The following HIBCH variants were observed in gnomAD, a reference collection of about 807,000 sequenced individuals.
HIBCH encodes the protein 3-hydroxyisobutyryl-CoA hydrolase.
A neutral mutation model predicts 58.2 loss-of-function variants in HIBCH; 50 were observed. The observed-to-expected ratio is 0.86, with a 90% CI of 0.68 to 1.09. The LOEUF (loss-of-function observed/expected upper bound fraction) is 1.09. Ranked by LOEUF, HIBCH falls within the 50% of genes least tolerant of loss-of-function variation. HIBCH has a pLI of 0.00. For missense variants in HIBCH, 450 were observed against 449.7 expected, an observed-to-expected ratio of 1.00 and a Z score of -0.01; for synonymous variants, 151 against 146.9, an observed-to-expected ratio of 1.03 and a Z score of -0.20.
chr2:190,294,003 T>C (rs1199372971), intron 4 of HIBCH, among the ~76,000 whole-genome samples: 1 of 132,158 alleles, frequency 7.6e-6, no homozygotes, highest in Non-Finnish European at 1.6e-5. Context: ...ATATATATTT[T>C]GTAATATATA....
chr2:190,195,941 CT>C (rs35679833), intron 1 of HIBCH, among the ~76,000 whole-genome samples: 2,732 of 86,158 alleles, frequency 0.032, 54 homozygotes, highest in African/African-American at 0.11. Flanking sequence ...CTGTGTCCAG[CT>C]TTTTTTTTTT....
At chr2:190,289,377 C>T (rs1687908865) in intron 5 of HIBCH, among the ~76,000 whole-genome samples, 1 of 152,054 alleles carries the variant, frequency 6.6e-6, no homozygotes, top group South Asian at 2.1e-4. Flanking sequence ...TGTCAAAATA[C>T]GTTAATATCA....
intron 6 of HIBCH, among the ~76,000 whole-genome samples, chr2:190,265,122 CAAAAAAAA>C (rs1167140474): frequency 0.11 from 6,379 of 55,862 alleles, 153 homozygotes; most frequent in Non-Finnish European, 0.16. Flanking sequence ...GACTCCGTCT[CAAAAAAAA>C]AAAAAAAAAA....
chr2:190,208,668 A>AT lies in HIBCH; in HGVS notation c.1045+211dup, dbSNP rs10650285. 0.11 allele frequency: 51,472 copies of AT among 457,350 alleles called. 223 individuals are homozygous for AT. Among genetic ancestry groups the AT allele is most frequent in the South Asian group, 0.12 (4,897 of 40,940 alleles). 28.3% of individuals were successfully genotyped at this position (457,350 alleles called of 1,614,324 possible). A position where few individuals can be genotyped will look rare whatever the true frequency, so the allele number is the denominator to read the frequency against. ...TGGGATCAGAAGTGTTTCAGGTTTG[A>AT]TTTTTTTTTTTTTTTTCAGATTTTG... On this transcript the variant is annotated intron_variant, in intron 13 of 13. Coordinates refer to ENST00000359678, the MANE Select transcript of HIBCH (RefSeq NM_014362.4).
chr2:190,275,048 C>T (rs1687511778), intron 6 of HIBCH, among the ~76,000 whole-genome samples: 1 of 151,966 alleles, frequency 6.6e-6, no homozygotes, highest in African/African-American at 2.4e-5. Flanking sequence ...ATATTGTGGT[C>T]TCCTATAATC....
At chr2:190,318,206 G>A (rs1277903958) in intron 1 of HIBCH, among the ~76,000 whole-genome samples, 2 of 151,386 alleles carry the variant, frequency 1.3e-5, no homozygotes, top group African/African-American at 2.4e-5. Flanking sequence ...GGCAAGTCAG[G>A]TTAGACAAAA....
At chr2:190,221,612 C>T (rs966806419) in intron 11 of HIBCH, among the ~76,000 whole-genome samples, 10 of 152,172 alleles carry the variant, frequency 6.6e-5, no homozygotes, top group African/African-American at 1.4e-4. Context: ...CGTGAAACCA[C>T]GGTCCAAAGT....
rs540248276 is a variant in HIBCH, at chr2:190,215,120, G to C, written c.892-2045C>G. On this transcript the variant is annotated intron_variant, in intron 11 of 13. Transcript: ENST00000359678. The surrounding 1 kb of genome is among the most constrained non-coding windows in gnomAD (Gnocchi z 4.4). ...TAGCAGAGCAAACCTCAGCTTAGCA[G>C]AGATCCCCTCGGTTTAGCAGCTAGA... 4.6e-5 allele frequency: 7 copies of C among 151,404 alleles called. No individual in the cohort carries two copies. The East Asian group carries it at 1.2e-3, about 25-fold the overall frequency. 9.4% of individuals were successfully genotyped at this position (151,404 alleles called of 1,614,324 possible). A position where few individuals can be genotyped will look rare whatever the true frequency, so the allele number is the denominator to read the frequency against.
At chr2:190,271,014 A>T (rs1219301137) in intron 6 of HIBCH, among the ~76,000 whole-genome samples, 1 of 152,050 alleles carries the variant, frequency 6.6e-6, no homozygotes, top group Non-Finnish European at 1.5e-5. Context: ...ACTTATTTAC[A>T]TATTATTATT....
intron 1 of HIBCH, among the ~76,000 whole-genome samples, chr2:190,317,660 A>AT (rs1322636598): frequency 1.3e-5 from 2 of 152,312 alleles, no homozygotes; most frequent in East Asian, 3.9e-4. Context: ...GGAAAAAGTG[A>AT]TTAACTTTGA....
chr2:190,266,674 C>T (rs779712038), intron 6 of HIBCH, among the ~76,000 whole-genome samples: 8 of 151,788 alleles, frequency 5.3e-5, no homozygotes, highest in East Asian at 1.9e-4. Flanking sequence ...CTCCAGGTGA[C>T]GCGCCCGCCT....
intron 6 of HIBCH, among the ~76,000 whole-genome samples, chr2:190,268,381 T>C (rs1438657049): frequency 1.3e-5 from 2 of 152,198 alleles, no homozygotes; most frequent in African/African-American, 4.8e-5. Context: ...ATAAACAATG[T>C]TAATATGGAC....
intron 11 of HIBCH, among the ~76,000 whole-genome samples, chr2:190,238,290 A>G (rs887113280): frequency 6.6e-6 from 1 of 152,192 alleles, no homozygotes; most frequent in Non-Finnish European, 1.5e-5. Context: ...TCCCACCAAC[A>G]GTGTAAAAGT....
At chr2:190,194,256 G>C (rs1420787070) in intron 1 of HIBCH, among the ~76,000 whole-genome samples, 1 of 152,104 alleles carries the variant, frequency 6.6e-6, no homozygotes, top group Non-Finnish European at 1.5e-5. Flanking sequence ...ACTCAAGTTG[G>C]AGCATAATGT....
chr2:190,293,420 T>C (rs998591979), intron 4 of HIBCH, among the ~76,000 whole-genome samples: 5 of 151,496 alleles, frequency 3.3e-5, no homozygotes, highest in Admixed American at 3.3e-4. Flanking sequence ...GTGACTGCAC[T>C]CCAGCCTGCG....
intron 1 of HIBCH, among the ~76,000 whole-genome samples, chr2:190,316,102 G>A (rs2124876724): frequency 1.3e-5 from 2 of 152,274 alleles, no homozygotes; most frequent in South Asian, 4.1e-4. Flanking sequence ...GATGCCAACT[G>A]TAACTGTGGT....
intron 6 of HIBCH, among the ~76,000 whole-genome samples, chr2:190,275,474 T>A (rs769201467): frequency 1.3e-5 from 2 of 152,220 alleles, no homozygotes; most frequent in Non-Finnish European, 2.9e-5. Context: ...TAATTTGTCA[T>A]AACATACCAG....
At chr2:190,196,522 C>CTT (rs34020571) in intron 1 of HIBCH, among the ~76,000 whole-genome samples, 46 of 135,866 alleles carry the variant, frequency 3.4e-4, no homozygotes, top group South Asian at 9.4e-4. Flanking sequence ...AATGCTGGGT[C>CTT]TTTTTTTTTT....
At chr2:190,200,399 GCT>G (rs1690194761), downstream of HIBCH, 1 of 405,442 alleles carries the variant, frequency 2.5e-6, no homozygotes, top group Admixed American at 3.9e-5. Flanking sequence ...CCAATAATCA[GCT>G]GAATGTCACA....
Sources: gnomAD v4.1 joint callset for allele counts (sites outside exome capture counted in the v4.1 genomes callset) on GRCh38, gnomAD v4.1.1 for gene constraint, Gnocchi (gnomAD v3.1) non-coding constraint, MANE v1.5 for transcripts, NCBI Gene and HGNC (gene_info 2026-07-23, HGNC 2026-07-21) for gene names.